The following ATP13A4 variants were observed in gnomAD, a reference collection of about 807,000 sequenced individuals.
ATP13A4 encodes probable cation-transporting ATPase 13A4.
A neutral mutation model predicts 142.5 loss-of-function variants in ATP13A4; 114 were observed. The ratio of observed to expected loss-of-function variants is 0.80; its 90% CI spans 0.69 to 0.93. ATP13A4 has a LOEUF of 0.93. Ranked by LOEUF, ATP13A4 falls within the 40% of genes least tolerant of loss-of-function variation. ATP13A4 has a pLI of 0.00. For missense variants in ATP13A4, 1,392 were observed against 1,454.0 expected (o/e 0.96, Z 0.69); for synonymous variants, 488 against 514.8 (o/e 0.95, Z 0.70).
intron 3 of ATP13A4, among the ~76,000 whole-genome samples, chr3:193,500,830 T>C (rs1440883962): frequency 6.6e-6 from 1 of 152,208 alleles, no homozygotes; most frequent in Non-Finnish European, 1.5e-5. Flanking sequence ...TGACAGCTCC[T>C]CTGACTTTAA....
intron 2 of ATP13A4, among the ~76,000 whole-genome samples, chr3:193,576,421 G>A (rs1478287981): frequency 3.3e-5 from 5 of 150,002 alleles, no homozygotes; most frequent in East Asian, 3.9e-4. Flanking sequence ...ACAGGCGCCC[G>A]CCACCGCGCC....
chr3:193,452,788 T>A (rs1717357108), intron 17 of ATP13A4, among the ~76,000 whole-genome samples: 1 of 74,224 alleles, frequency 1.3e-5, no homozygotes, highest in Non-Finnish European at 2.9e-5. Flanking sequence ...TATTATTATA[T>A]ATATAATATT....
At chr3:193,475,819 G>A (rs1718930378) in intron 8 of ATP13A4, among the ~76,000 whole-genome samples, 1 of 151,918 alleles carries the variant, frequency 6.6e-6, no homozygotes, top group African/African-American at 2.4e-5. Context: ...ATTTCTAATG[G>A]GATGTTACAA....
rs752767436 is a variant in ATP13A4, at chr3:193,438,560, T to C, written c.2587A>G (p.Ile863Val). The change falls in exon 23 of 30, where the codon ATC becomes GTC. Residue 863 changes from isoleucine to valine, a missense_variant. Coordinates refer to ENST00000342695, the MANE Select transcript of ATP13A4 (RefSeq NM_032279.4). ...GATGCCTCCTGCTCTGATAATGAGA[T>C]GCCCACATGAGCCATTTTCAGAGCC... Reference protein sequence around the residue: ...CGALKMAHVGISLSEQEASVA... With the variant: ...CGALKMAHVGVSLSEQEASVA... 4 of 1,614,032 alleles carry C rather than the reference T, an allele frequency of 2.5e-6. No individual in the cohort carries two copies. The African/African-American group carries it at 5.3e-5, about 22-fold the overall frequency.
Position 193,489,811 on chromosome 3 carries a change from A to G in ATP13A4, c.657T>C (p.Ser219=), listed in dbSNP as rs751485776. The change falls in exon 7 of 30, where the codon AGT becomes AGC. Residue 219 remains serine, a synonymous_variant. Coordinates refer to ENST00000342695, the MANE Select transcript of ATP13A4 (RefSeq NM_032279.4). The stretch of plus-strand genomic sequence containing the variant: ...CAAAAGCATATTCCTTATAGTCTTC[A>G]CTAAACCACAAACAGACACTGAAGA... ...FQLFSVCLWF[S]EDYKEYAFAI... 3 of 1,611,694 alleles carry G rather than the reference A, an allele frequency of 1.9e-6. No homozygotes were observed. Among genetic ancestry groups the G allele is most frequent in the Non-Finnish European group, 1.7e-6 (2 of 1,177,854 alleles).
chr3:193,472,021 G>A (rs1025395300), intron 8 of ATP13A4, among the ~76,000 whole-genome samples: 1 of 152,166 alleles, frequency 6.6e-6, no homozygotes, highest in Non-Finnish European at 1.5e-5. Flanking sequence ...GTTGGGACCC[G>A]AGCAAGGTGA....
rs755367855 is a variant in ATP13A4 at position 193,470,959 on chromosome 3, C to A, written c.843G>T (p.Val281=). 1 of 1,614,158 alleles carries A rather than the reference C, an allele frequency of 6.2e-7. No individual in the cohort carries two copies. ...GVQELESRVL[V]PGDLLILTGN... ...CTGTCAAAATTAATAAATCTCCAGGCACCAGGACGCGTGATTCCAGCTCTT... is the reference window on the plus strand; with the variant it reads ...CTGTCAAAATTAATAAATCTCCAGGAACCAGGACGCGTGATTCCAGCTCTT... Residue 281 remains valine (V), a synonymous_variant, in exon 9 of 30, where the codon GTG becomes GTT. Coordinates refer to ENST00000342695, the MANE Select transcript of ATP13A4 (RefSeq NM_032279.4).
chr3:193,459,603 A>G (rs1217373320), intron 13 of ATP13A4, among the ~76,000 whole-genome samples: 1 of 152,050 alleles, frequency 6.6e-6, no homozygotes, highest in Non-Finnish European at 1.5e-5. Flanking sequence ...ATGTCAGGCT[A>G]ATTTTTTGTA....
In ATP13A4 at chr3:193,465,987, G is replaced by C. The variant is rs144150678; in HGVS notation, c.1272+38C>G. The C allele has an allele frequency of 1.1e-4, 172 of 1,607,488 alleles. No individual in the cohort carries two copies. The East Asian group carries it at 3.6e-3, about 33-fold the overall frequency. On this transcript the variant is annotated intron_variant, in intron 11 of 29. Coordinates refer to ENST00000342695, the MANE Select transcript of ATP13A4 (RefSeq NM_032279.4). ...CACAGTACAAAATATACAGAGATGAGTGTGTGTGCATTTAATAAAAGAGCA... is the reference window on the plus strand; with the variant it reads ...CACAGTACAAAATATACAGAGATGACTGTGTGTGCATTTAATAAAAGAGCA...
intron 29 of ATP13A4, among the ~76,000 whole-genome samples, chr3:193,406,507 T>C (rs1714504915): frequency 6.6e-6 from 1 of 152,206 alleles, no homozygotes; most frequent in African/African-American, 2.4e-5. Context: ...CCAACAGGCT[T>C]TGAAGAATGG....
At chr3:193,405,306 T>C (rs898034309) in intron 29 of ATP13A4, among the ~76,000 whole-genome samples, 4 of 152,216 alleles carry the variant, frequency 2.6e-5, no homozygotes, top group Non-Finnish European at 5.9e-5. Context: ...AAAATAATGA[T>C]AATAAGTGGT....
intron 2 of ATP13A4, among the ~76,000 whole-genome samples, chr3:193,576,282 T>TTTTTA: frequency 7.6e-6 from 1 of 131,194 alleles, no homozygotes; most frequent in Non-Finnish European, 1.6e-5. Flanking sequence ...TTTTTTTTTT[T>TTTTTA]GAGACGGAGT....
At chr3:193,580,138 A>AT (rs1195448666) in intron 2 of ATP13A4, among the ~76,000 whole-genome samples, 1 of 152,182 alleles carries the variant, frequency 6.6e-6, no homozygotes, top group African/African-American at 2.4e-5. Flanking sequence ...AATCCAATCT[A>AT]TTTATTAAGA....
At chr3:193,537,351 A>G (rs1452356286) in intron 1 of ATP13A4, among the ~76,000 whole-genome samples, 2 of 152,104 alleles carry the variant, frequency 1.3e-5, no homozygotes, top group Non-Finnish European at 2.9e-5. Flanking sequence ...AGAATTTTCA[A>G]CAAATGGCCA....
In ATP13A4 at chr3:193,565,161, C is replaced by T. The variant is rs1221074014; in HGVS notation, n.291+16546G>A. Among the ~76,000 whole-genome samples, 3 of 152,196 alleles carry T rather than the reference C, an allele frequency of 2.0e-5. No individual in the cohort carries two copies. The East Asian group carries it at 5.8e-4, about 29-fold the overall frequency. On this transcript the variant is annotated intron_variant and non_coding_transcript_variant, in intron 2 of 3. Coordinates refer to the ATP13A4 transcript ENST00000489140. ...ATCATCCTGAAACCACCGCCCCCGA[C>T]TCCAACAGTCCATGGAAAATTTGTC... is the stretch of plus-strand genomic sequence containing the variant.
chr3:193,471,900 G>A (rs1490851139), intron 8 of ATP13A4, among the ~76,000 whole-genome samples: 1 of 152,132 alleles, frequency 6.6e-6, no homozygotes, highest in East Asian at 1.9e-4. Flanking sequence ...GCTGCTCTGG[G>A]GTATTGGATC....
At chr3:193,480,100 T>TA (rs1049250434) in intron 8 of ATP13A4, among the ~76,000 whole-genome samples, 89 of 152,106 alleles carry the variant, frequency 5.9e-4, no homozygotes, top group African/African-American at 2.1e-3. Flanking sequence ...TCTCACCTTA[T>TA]AAAAAATCAA....
intron 1 of ATP13A4, among the ~76,000 whole-genome samples, chr3:193,519,508 C>A (rs1208191762): frequency 6.6e-6 from 1 of 151,806 alleles, no homozygotes; most frequent in Non-Finnish European, 1.5e-5. Flanking sequence ...TTCTTTCAGT[C>A]TCCTTTAAAT....
chr3:193,508,511 C>T (rs1004844249), intron 2 of ATP13A4, among the ~76,000 whole-genome samples: 17 of 152,192 alleles, frequency 1.1e-4, no homozygotes, highest in African/African-American at 3.6e-4. Context: ...AGAAAAAAAT[C>T]TCTACTGGTA....
Sources: allele counts gnomAD v4.1 joint callset (sites outside exome capture counted in the v4.1 genomes callset), GRCh38; gene constraint gnomAD v4.1.1; transcripts MANE v1.5; gene names NCBI Gene and HGNC (gene_info 2026-07-23, HGNC 2026-07-21).